NTRK2: variants seen among roughly 807,000 people sequenced by gnomAD.
The protein encoded by NTRK2 is BDNF/NT-3 growth factors receptor.
A neutral mutation model predicts 94.5 loss-of-function variants in NTRK2; 13 were observed. That is an observed-to-expected ratio of 0.14 (90% CI 0.09 to 0.22). The LOEUF is 0.22. Among genes scored for constraint, NTRK2 ranks in the 10% least tolerant of loss-of-function variants. The probability of loss-of-function intolerance (pLI) is 1.00; values close to 1 mark genes in which losing one functional copy is unlikely to be tolerated. For missense variants in NTRK2, 639 were observed against 1,071.2 expected, an observed-to-expected ratio of 0.60 and a Z score of 5.63; for synonymous variants, 372 against 407.4, an observed-to-expected ratio of 0.91 and a Z score of 1.05.
At chr9:84,791,954 G>A (rs191833458) in intron 12 of NTRK2, among the ~76,000 whole-genome samples, 1 of 152,196 alleles carries the variant, frequency 6.6e-6, no homozygotes, top group Non-Finnish European at 1.5e-5. Flanking sequence ...GAGCAGACAG[G>A]CATTTGAGGG....
intron 17 of NTRK2, among the ~76,000 whole-genome samples, chr9:84,962,111 G>A (rs1032860414): frequency 6.6e-6 from 1 of 151,996 alleles, no homozygotes; most frequent in African/African-American, 2.4e-5. Context: ...GAGCCACTGA[G>A]AGATTCTACA....
chr9:84,863,886 G>A (rs1003484395), intron 13 of NTRK2, among the ~76,000 whole-genome samples: 1 of 152,164 alleles, frequency 6.6e-6, no homozygotes. Context: ...GCTTTTTACT[G>A]CTTCTACGCT....
chr9:84,955,934 A>AT (rs1234652468), intron 17 of NTRK2, among the ~76,000 whole-genome samples: 2 of 152,170 alleles, frequency 1.3e-5, no homozygotes, highest in African/African-American at 4.8e-5. Context: ...CAACGTATAA[A>AT]TTTTGGGGGG....
chr9:84,964,287 C>T (rs1457371017), intron 17 of NTRK2, among the ~76,000 whole-genome samples: 3 of 152,204 alleles, frequency 2.0e-5, no homozygotes, highest in Non-Finnish European at 2.9e-5. Flanking sequence ...GTCAAGACCA[C>T]AGCAATGCTT....
intron 12 of NTRK2, among the ~76,000 whole-genome samples, chr9:84,771,939 T>C (rs1405720450): frequency 6.6e-6 from 1 of 152,234 alleles, no homozygotes; most frequent in African/African-American, 2.4e-5. Flanking sequence ...TGAAGTATTT[T>C]ATTTTTATTG....
chr9:84,983,623 G>C (rs1014464517), intron 17 of NTRK2, among the ~76,000 whole-genome samples: 7 of 152,172 alleles, frequency 4.6e-5, no homozygotes, highest in African/African-American at 1.4e-4. Context: ...AAAGAGACCT[G>C]AGCTGTGGGA....
chr9:84,838,790 G>T (rs952763722), intron 12 of NTRK2, among the ~76,000 whole-genome samples: 4 of 152,140 alleles, frequency 2.6e-5, no homozygotes, highest in South Asian at 2.1e-4. Context: ...ATAAATGGTG[G>T]CTTATTTACC....
chr9:84,708,173 A>G (rs190821365), intron 5 of NTRK2, among the ~76,000 whole-genome samples: 1 of 152,350 alleles, frequency 6.6e-6, no homozygotes, highest in East Asian at 1.9e-4. Context: ...TTTTACATAA[A>G]TAATTTCTGG....
At chr9:84,745,911 C>A (rs1043339588) in intron 11 of NTRK2, among the ~76,000 whole-genome samples, 1 of 152,068 alleles carries the variant, frequency 6.6e-6, no homozygotes, top group Non-Finnish European at 1.5e-5. Flanking sequence ...TCACATGATC[C>A]CAGGGGTCTA....
At chr9:84,810,661 C>T in intron 12 of NTRK2, 1 of 1,609,816 alleles carries the variant, frequency 6.2e-7, no homozygotes, top group Non-Finnish European at 8.5e-7. Context: ...CCTGGGACTG[C>T]TGTTGGCTTA....
intron 16 of NTRK2, among the ~76,000 whole-genome samples, chr9:84,953,870 T>C (rs1162324140): frequency 6.6e-6 from 1 of 152,206 alleles, no homozygotes; most frequent in African/African-American, 2.4e-5. Context: ...TGTCCAGTGT[T>C]CATTCCCTGA....
intron 12 of NTRK2, among the ~76,000 whole-genome samples, chr9:84,770,498 A>G (rs2066451107): frequency 6.6e-6 from 1 of 152,132 alleles, no homozygotes; most frequent in African/African-American, 2.4e-5. Flanking sequence ...ATCACTTGCC[A>G]TGAACACTCC....
At chr9:84,849,605 C>T (rs1464066131) in intron 12 of NTRK2, among the ~76,000 whole-genome samples, 1 of 152,152 alleles carries the variant, frequency 6.6e-6, no homozygotes, top group Non-Finnish European at 1.5e-5. Flanking sequence ...GCTAGAAATA[C>T]AGTGGGGAGA....
chr9:84,724,489 TAAG>T (rs2062306737), intron 8 of NTRK2, 133 bp downstream of exon 8: 1 of 988,892 alleles, frequency 1.0e-6, no homozygotes, highest in African/African-American at 1.6e-5. Flanking sequence ...CATACTCTAT[TAAG>T]AAACATTATC....
chr9:85,001,142 C>G (rs1830295087), intron 17 of NTRK2, among the ~76,000 whole-genome samples: 1 of 152,176 alleles, frequency 6.6e-6, no homozygotes. Context: ...GTGTCACAGC[C>G]TGGAATTCTC....
intron 7 of NTRK2, 41 bp from the exon 8 acceptor site, chr9:84,724,183 A>G (rs199952228): frequency 5.7e-5 from 92 of 1,613,100 alleles, no homozygotes; most frequent in Admixed American, 3.2e-4. Flanking sequence ...TTTGGGATCA[A>G]TCCTAATCAA....
intron 12 of NTRK2, among the ~76,000 whole-genome samples, chr9:84,860,565 T>G (rs577898449): frequency 2.2e-4 from 34 of 152,292 alleles, no homozygotes; most frequent in African/African-American, 8.2e-4. Context: ...CTGTTTTCTC[T>G]TATTATTTTC....
At chr9:85,020,648 G>A (rs923159589) in intron 18 of NTRK2, among the ~76,000 whole-genome samples, 2 of 152,162 alleles carry the variant, frequency 1.3e-5, no homozygotes, top group South Asian at 2.1e-4. Context: ...AATAGCAGAC[G>A]TAGCATTCCA....
At chr9:84,876,524 G>C in intron 14 of NTRK2, 1 of 1,056,152 alleles carries the variant, frequency 9.5e-7, no homozygotes, top group Non-Finnish European at 1.1e-6. Flanking sequence ...CCCAGGATCA[G>C]AACTCATGTT....
Sources: gnomAD v4.1 joint callset for allele counts (sites outside exome capture counted in the v4.1 genomes callset) on GRCh38, gnomAD v4.1.1 for gene constraint, MANE v1.5 for transcripts, NCBI Gene and HGNC (gene_info 2026-07-23, HGNC 2026-07-21) for gene names.